CPAMD8: variants seen among roughly 807,000 people sequenced by gnomAD.
The protein encoded by CPAMD8 is C3 and PZP like alpha-2-macroglobulin domain containing 8.
A neutral mutation model predicts 224.7 loss-of-function variants in CPAMD8; 146 were observed. That is an observed-to-expected ratio of 0.65 (90% CI 0.57 to 0.75). The LOEUF is 0.75. Among genes scored for constraint, CPAMD8 ranks in the 30% least tolerant of loss-of-function variants. CPAMD8 has a pLI of 0.00. For synonymous variants in CPAMD8, 966 were observed against 1,044.6 expected (o/e 0.92, Z 1.45); for missense variants, 2,301 against 2,537.5 (o/e 0.91, Z 2.00).
chr19:16,998,290 T>C (rs546125004), intron 10 of CPAMD8, among the ~76,000 whole-genome samples: 1 of 152,218 alleles, frequency 6.6e-6, no homozygotes, highest in South Asian at 2.1e-4. Flanking sequence ...CAAAACCCTG[T>C]CTCTACTAAA....
rs2057066544 is a variant in CPAMD8, at chr19:17,025,803, ACTGT to A, written c.92+744_92+747del. On this transcript the variant is annotated intron_variant, in intron 1 of 41. Transcript: ENST00000443236. Reference sequence around the variant, plus strand: ...AGTCTGGATGCTCAGAGCGCAGTAGACTGTCTTGCTTTTAAAACTGTGACCAGCA... The same window carrying A: ...AGTCTGGATGCTCAGAGCGCAGTAGACTTGCTTTTAAAACTGTGACCAGCA... Among the ~76,000 whole-genome samples the A allele has an allele frequency of 2.0e-5, 3 of 152,202 alleles. No individual in the cohort carries two copies. In the South Asian group the frequency reaches 6.2e-4, roughly 32 times the overall value.
chr19:16,986,647 T>A (rs772428255), intron 13 of CPAMD8, among the ~76,000 whole-genome samples: 24 of 152,024 alleles, frequency 1.6e-4, no homozygotes, highest in Non-Finnish European at 3.4e-4. Flanking sequence ...GGGGCCTCGA[T>A]ATGATCAGAA....
At chr19:17,011,078 C>T (rs184515991) in intron 5 of CPAMD8, among the ~76,000 whole-genome samples, 84 of 152,062 alleles carry the variant, frequency 5.5e-4, no homozygotes, top group African/African-American at 1.8e-3. Context: ...CCTATAATCC[C>T]GGCTACTCGG....
chr19:16,995,190 G>C (rs1188583556), intron 11 of CPAMD8, among the ~76,000 whole-genome samples: 6 of 152,186 alleles, frequency 3.9e-5, no homozygotes, highest in Non-Finnish European at 8.8e-5. Context: ...AGAGAAAGGA[G>C]GTTCCAAAGC....
At chr19:16,905,271 AAATAAT>A (rs915155658) in intron 30 of CPAMD8, among the ~76,000 whole-genome samples, 1 of 149,100 alleles carries the variant, frequency 6.7e-6, no homozygotes, top group African/African-American at 2.5e-5. Flanking sequence ...ACATAAATAA[AAATAAT>A]AATAATAATT....
rs552355794 is a variant in CPAMD8, at chr19:16,943,008, T to C, written c.2793+2541A>G. Among the ~76,000 whole-genome samples, 1,205 of 135,786 alleles carry C rather than the reference T, an allele frequency of 8.9e-3. 13 individuals carry two copies. The highest frequency in any genetic ancestry group is 0.014 in the Admixed American group (184 of 13,576). 89.1% of individuals were successfully genotyped at this position (135,786 alleles called of 152,430 possible). A position where few individuals can be genotyped will look rare whatever the true frequency, so the allele number is the denominator to read the frequency against. On this transcript the variant is annotated intron_variant, in intron 22 of 41. Coordinates refer to ENST00000443236, the MANE Select transcript of CPAMD8 (RefSeq NM_015692.5). The stretch of plus-strand genomic sequence containing the variant: ...TGTTTGACTTTTTTCTTTTTTCTTT[T>C]TTCTTTTTTTTTTTTTTGAGACAGG...
intron 34 of CPAMD8, among the ~76,000 whole-genome samples, chr19:16,903,189 G>A (rs892638866): frequency 8.6e-5 from 13 of 151,912 alleles, no homozygotes; most frequent in Non-Finnish European, 1.8e-4. Context: ...GAGAGTCATC[G>A]CGGGAAACTT....
Position 16,898,076 on chromosome 19 carries a change from C to T in CPAMD8, c.4849-82G>A. ...GCTCAGGCCCAGAACTGGCTGATTT[C>T]AGGGATACCCAGGACGCGTGAAACA... On this transcript the variant is annotated intron_variant, in intron 37 of 41. Transcript: ENST00000443236. This position sits in a 1 kb window ranked among gnomAD's most constrained non-coding sequence, Gnocchi z 4.2. 3.5e-6 allele frequency: 3 copies of T among 866,246 alleles called. No homozygotes were observed. In the South Asian group the frequency reaches 4.6e-5, roughly 13 times the overall value. 53.7% of individuals were successfully genotyped at this position (866,246 alleles called of 1,614,324 possible).
chr19:16,917,459 G>A lies in CPAMD8; in HGVS notation c.3630-2646C>T, dbSNP rs75314113. On this transcript the variant is annotated intron_variant, in intron 27 of 41. Coordinates refer to ENST00000443236, the MANE Select transcript of CPAMD8 (RefSeq NM_015692.5). ...AACCTAGAACTCTTCTAAAAAGTAA[G>A]ATCTATGGCCGGGCGAGGTGGCTCA... Among the ~76,000 whole-genome samples, 1,495 of 152,206 alleles carry A rather than the reference G, an allele frequency of 9.8e-3. 22 individuals are homozygous for A. The highest frequency in any genetic ancestry group is 0.034 in the African/African-American group (1,403 of 41,534).
intron 30 of CPAMD8, 115 bp downstream of exon 30, chr19:16,906,837 G>A: frequency 2.8e-6 from 3 of 1,059,130 alleles, no homozygotes; most frequent in Non-Finnish European, 4.1e-6. Flanking sequence ...AGCCTCCTGA[G>A]TAGCTGGGAC....
In CPAMD8 at chr19:16,897,699, C is replaced by G. The variant is rs1258567882; in HGVS notation, c.5057G>C (p.Arg1686Pro). Residue 1686 changes from arginine to proline, a missense_variant, in exon 39 of 42, where the codon CGG becomes CCG. Physicochemically the swap from Arg to Pro is moderately radical, Grantham distance 103. Transcript: ENST00000443236. ...TGGCTCCGCGCACTCACCCGGGCCCCGGGCAGGGGCGCGCTCCACTTCGTT... is the reference window on the plus strand; with the variant it reads ...TGGCTCCGCGCACTCACCCGGGCCCGGGGCAGGGGCGCGCTCCACTTCGTT... ...ACNEVERAPA[R>P]GPGWFPGESG... is the part of the protein sequence containing the mutation. 5 of 1,530,658 alleles carry G rather than the reference C, an allele frequency of 3.3e-6. No individual in the cohort carries two copies. The South Asian group carries it at 6.1e-5, about 19-fold the overall frequency. 94.8% of individuals were successfully genotyped at this position (1,530,658 alleles called of 1,614,324 possible).
rs937124410 is a variant in CPAMD8, at chr19:17,004,169, G to C, written c.673+104C>G. The C allele has an allele frequency of 1.8e-5, 13 of 714,420 alleles. No individual in the cohort carries two copies. In the East Asian group the frequency reaches 3.7e-4, roughly 20 times the overall value. The allele number at this position is 714,420 out of a possible 1,614,324, so 44.3% of individuals were successfully genotyped here. ...GATCCGCCCACCTGGGCCTCCGAAA[G>C]TGCTGGGATTACAGGCGAGAGCCCT... is the stretch of plus-strand genomic sequence containing the variant. On this transcript the variant is annotated intron_variant, in intron 8 of 41. Coordinates refer to ENST00000443236, the MANE Select transcript of CPAMD8 (RefSeq NM_015692.5).
chr19:16,946,960 C>G, intron 21 of CPAMD8, 114 bp downstream of exon 21: 1 of 1,103,548 alleles, frequency 9.1e-7, no homozygotes, highest in South Asian at 1.7e-5. Flanking sequence ...TTCCTTGGGA[C>G]AGTCCTGACC....
chr19:16,895,919 A>ACG (rs1568442190), intron 41 of CPAMD8: 34 of 603,728 alleles, frequency 5.6e-5, no homozygotes, highest in African/African-American at 5.6e-4. Context: ...ACACACACAC[A>ACG]CACACACACG....
intron 3 of CPAMD8, among the ~76,000 whole-genome samples, chr19:17,016,888 C>CT (rs780842036): frequency 1.3e-3 from 187 of 143,288 alleles, no homozygotes; most frequent in South Asian, 2.2e-3. Flanking sequence ...GTTCTAGGGT[C>CT]TTTTTTTTTT....
intron 31 of CPAMD8, 38 bp downstream of exon 31, chr19:16,904,428 G>A: frequency 6.2e-7 from 1 of 1,613,852 alleles, no homozygotes; most frequent in Middle Eastern, 1.6e-4. Context: ...ATGGAGGTAT[G>A]GCCAAGGCAG....
intron 35 of CPAMD8, among the ~76,000 whole-genome samples, chr19:16,902,207 T>A (rs1282944096): frequency 1.3e-5 from 2 of 152,128 alleles, no homozygotes; most frequent in Non-Finnish European, 2.9e-5. Flanking sequence ...TGTGTCCATT[T>A]GCTTTTCTTT....
intron 17 of CPAMD8, 148 bp from the exon 18 acceptor site, chr19:16,971,181 G>A: frequency 1.5e-6 from 1 of 674,946 alleles, no homozygotes; most frequent in Non-Finnish European, 2.4e-6. Flanking sequence ...TGCTTTTTTG[G>A]GTTTGTTTTG....
chr19:16,997,057 G>C, intron 11 of CPAMD8, 54 bp downstream of exon 11: 1 of 1,096,414 alleles, frequency 9.1e-7, no homozygotes, highest in Non-Finnish European at 1.4e-6. Context: ...GGCTAGTGGT[G>C]GTGGTTTCAC....
Sources: allele counts gnomAD v4.1 joint callset (sites outside exome capture counted in the v4.1 genomes callset), GRCh38; gene constraint gnomAD v4.1.1; non-coding constraint Gnocchi (gnomAD v3.1); transcripts MANE v1.5; gene names NCBI Gene and HGNC (gene_info 2026-07-23, HGNC 2026-07-21).